N4BP2: variants seen among roughly 807,000 people sequenced by gnomAD.
The protein encoded by N4BP2 is NEDD4 binding protein 2.
In N4BP2, 91 loss-of-function variants were observed where a neutral mutation model predicts 152.8. The ratio of observed to expected loss-of-function variants is 0.60; its 90% CI spans 0.50 to 0.71. The LOEUF (loss-of-function observed/expected upper bound fraction) is 0.71, where lower values mean the gene tolerates loss of function less well. Ranked by LOEUF, N4BP2 falls within the 30% of genes least tolerant of loss-of-function variation. The pLI, the probability that N4BP2 is intolerant of heterozygous loss-of-function variation, is 0.00. For missense variants in N4BP2, 1,923 were observed against 2,059.1 expected (o/e 0.93, Z 1.28); for synonymous variants, 646 against 705.3 (o/e 0.92, Z 1.33).
At chr4:40,188,744 CAA>C in the N4BP2 span, among the ~76,000 whole-genome samples, 438 of 91,016 alleles carry the variant, frequency 4.8e-3, 1 homozygote, top group South Asian at 0.018. Context: ...GACTCCATCT[CAA>C]AAAAAAAAAA....
chr4:40,109,729 A>G (rs1447154941), intron 5 of N4BP2, among the ~76,000 whole-genome samples: 1 of 152,084 alleles, frequency 6.6e-6, no homozygotes, highest in African/African-American at 2.4e-5. Flanking sequence ...AAAAAAAAAA[A>G]AGTGTTAGCA....
chr4:40,100,040 C>T (rs990024987), intron 3 of N4BP2: 1 of 455,432 alleles, frequency 2.2e-6, no homozygotes, highest in African/African-American at 2.0e-5. Flanking sequence ...CTTAAGGGAA[C>T]TTAATTGGGT....
intron 16 of N4BP2, among the ~76,000 whole-genome samples, chr4:40,148,068 A>T (rs1457948737): frequency 6.6e-6 from 1 of 152,210 alleles, no homozygotes; most frequent in East Asian, 1.9e-4. Flanking sequence ...CAGAGGCTGC[A>T]ATCTCCGGCA....
intron 15 of N4BP2, among the ~76,000 whole-genome samples, chr4:40,144,217 GTCT>G (rs1261518545): frequency 6.6e-6 from 1 of 152,182 alleles, no homozygotes; most frequent in African/African-American, 2.4e-5. Context: ...TGGAGGGGAG[GTCT>G]TCTTTCTGTC....
intron 7 of N4BP2, among the ~76,000 whole-genome samples, chr4:40,116,743 T>G (rs966205333): frequency 3.9e-5 from 6 of 152,206 alleles, no homozygotes; most frequent in African/African-American, 7.2e-5. Context: ...TCTTTGAGAA[T>G]TTTCTTTATA....
intron 1 of N4BP2, among the ~76,000 whole-genome samples, chr4:40,064,838 C>T (rs1347915470): frequency 2.7e-5 from 4 of 150,280 alleles, no homozygotes; most frequent in South Asian, 2.1e-4. Flanking sequence ...GGTGTGATCT[C>T]GGCTCACTGC....
At chr4:40,167,119 G>C in the N4BP2 span, 4 of 152,158 alleles carry the variant, frequency 2.6e-5, no homozygotes, top group Non-Finnish European at 4.4e-5. Flanking sequence ...AATTGACCTG[G>C]TGTTTGTGGT....
At chr4:40,126,096 A>G (rs1718378783) in intron 11 of N4BP2, 38 bp from the exon 12 acceptor site, 2 of 1,212,696 alleles carry the variant, frequency 1.6e-6, no homozygotes, top group Admixed American at 5.6e-5. Context: ...TTATACATTT[A>G]TTGTTGAGAG....
chr4:40,132,002 A>G lies in N4BP2; in HGVS notation c.4646+83A>G, dbSNP rs927244786. 10 of 912,910 alleles carry G rather than the reference A, an allele frequency of 1.1e-5. No homozygotes were observed. The African/African-American group carries it at 1.2e-4, about 11-fold the overall frequency. 56.6% of individuals were successfully genotyped at this position (912,910 alleles called of 1,614,324 possible). On this transcript the variant is annotated intron_variant, in intron 13 of 17. Coordinates refer to ENST00000261435, the MANE Select transcript of N4BP2 (RefSeq NM_018177.6). ...CATGTTTATTTTTCTGATAACAAAA[A>G]TAATGTAAGTCTACAGTAGTCTCTC...
intron 1 of N4BP2, among the ~76,000 whole-genome samples, chr4:40,071,670 G>A (rs1239517370): frequency 6.6e-6 from 1 of 151,962 alleles, no homozygotes; most frequent in African/African-American, 2.4e-5. Flanking sequence ...GGGTTCAGGT[G>A]ATTCTCCTGC....
intron 3 of N4BP2, among the ~76,000 whole-genome samples, chr4:40,099,227 T>C (rs1045229665): frequency 1.3e-5 from 2 of 152,068 alleles, no homozygotes; most frequent in African/African-American, 4.8e-5. Context: ...TTTTCAACAT[T>C]GTGTGGTAGT....
At chr4:40,153,583 A>G (rs1721326605) in intron 17 of N4BP2, among the ~76,000 whole-genome samples, 1 of 152,236 alleles carries the variant, frequency 6.6e-6, no homozygotes, top group African/African-American at 2.4e-5. Flanking sequence ...GCAGATGTGT[A>G]TCATTAACTC....
rs527238973 is a variant in N4BP2 at position 40,088,717 on chromosome 4, C to G, written c.-114-8510C>G. On this transcript the variant is annotated intron_variant, in intron 2 of 17. Transcript: ENST00000261435. ...GTTTCTCCTTGTTGGTCAGGCCGGT[C>G]TCGAATTCCTGACCTCAGTTGATCT... Among the ~76,000 whole-genome samples the G allele has an allele frequency of 1.2e-4, 19 of 152,264 alleles. 1 individual carries two copies. The South Asian group carries it at 3.5e-3, about 28-fold the overall frequency.
intron 1 of N4BP2, among the ~76,000 whole-genome samples, chr4:40,063,982 A>G (rs1733847402): frequency 6.6e-6 from 1 of 150,544 alleles, no homozygotes; most frequent in Admixed American, 6.6e-5. Flanking sequence ...GTGGGGCGGC[A>G]GGGGGGGGTC....
Position 40,121,765 on chromosome 4 carries a change from A to G in N4BP2, c.3654A>G (p.Thr1218=). 1 of 1,613,966 alleles carries G rather than the reference A, an allele frequency of 6.2e-7. No homozygotes were observed. Among genetic ancestry groups the G allele is most frequent in the Non-Finnish European group, 8.5e-7 (1 of 1,179,992 alleles). ...CTCCTGAAAACCATGAATCGATGAC[A>G]AGTATATTTCCCAGTGCTGCTGTGG... is the stretch of plus-strand genomic sequence containing the variant. The part of the protein sequence containing the change: ...AVTPENHESM[T]SIFPSAAVGL... Residue 1218 remains threonine (T), a synonymous_variant, in exon 9 of 18, where the codon ACA becomes ACG. Transcript: ENST00000261435.
chr4:40,188,262 C>G, the N4BP2 span, among the ~76,000 whole-genome samples: 180 of 152,256 alleles, frequency 1.2e-3, no homozygotes, highest in African/African-American at 4.3e-3. Context: ...TGGCAAAAGT[C>G]AACCGGCTAC....
intron 13 of N4BP2, among the ~76,000 whole-genome samples, chr4:40,132,810 GA>G (rs1434123433): frequency 1.4e-5 from 2 of 146,908 alleles, no homozygotes; most frequent in East Asian, 2.0e-4. Flanking sequence ...TGGATTTCTG[GA>G]ATAAAACCTA....
At chr4:40,103,272 C>T (rs916086481) in intron 4 of N4BP2, 54 bp downstream of exon 4, 5 of 1,462,488 alleles carry the variant, frequency 3.4e-6, no homozygotes, top group Non-Finnish European at 3.7e-6. Flanking sequence ...AATTTGAACA[C>T]AAGTATGAAT....
chr4:40,175,669 G>C, the N4BP2 span, among the ~76,000 whole-genome samples: 15 of 151,968 alleles, frequency 9.9e-5, no homozygotes, highest in Non-Finnish European at 1.9e-4. Flanking sequence ...GTAGCAGGGC[G>C]TGGTGGCGGG....
Sources: gnomAD v4.1 joint callset for allele counts (sites outside exome capture counted in the v4.1 genomes callset) on GRCh38, gnomAD v4.1.1 for gene constraint, MANE v1.5 for transcripts, NCBI Gene and HGNC (gene_info 2026-07-23, HGNC 2026-07-21) for gene names.